The following DPF3 variants were observed in gnomAD, a reference collection of about 807,000 sequenced individuals.
The protein encoded by DPF3 is zinc finger protein DPF3.
Under a neutral mutation model 56.8 loss-of-function variants are expected in DPF3, and 18 were observed. That is an observed-to-expected ratio of 0.32 (90% CI 0.22 to 0.47). The LOEUF (loss-of-function observed/expected upper bound fraction) is 0.47. DPF3 is among the 20% of genes least tolerant of loss of function. The pLI is 1.00. For missense variants in DPF3, 403 were observed against 488.8 expected (o/e 0.82, Z 1.65); for synonymous variants, 188 against 180.2 (o/e 1.04, Z -0.35).
rs1020227259 is a variant in DPF3, at chr14:72,616,090, C to T, written c.*3207G>A. Among the ~76,000 whole-genome samples the T allele has an allele frequency of 1.3e-5, 2 of 152,140 alleles. No homozygotes were observed. The highest frequency in any genetic ancestry group is 4.8e-5 in the African/African-American group (2 of 41,420). ...GTGGGGACCATCATCATGCCAGACCCGGGCCAGGATCTTTACCAATGTCAC... is the reference window on the plus strand; with the variant it reads ...GTGGGGACCATCATCATGCCAGACCTGGGCCAGGATCTTTACCAATGTCAC... On this transcript the variant is annotated 3_prime_UTR_variant, in exon 11 of 11. Transcript: ENST00000556509.
chr14:72,788,334 T>G (rs930749153), intron 1 of DPF3, among the ~76,000 whole-genome samples: 1 of 151,856 alleles, frequency 6.6e-6, no homozygotes, highest in Non-Finnish European at 1.5e-5. Flanking sequence ...GAAGAACTCA[T>G]GCAAGCAGAG....
chr14:72,662,506 T>C (rs146279795), intron 8 of DPF3: 1 of 985,194 alleles, frequency 1.0e-6, no homozygotes, highest in African/African-American at 1.7e-5. Context: ...ATTTCTACTG[T>C]AGAGTAATTC....
chr14:72,812,644 C>T (rs1883103810), intron 1 of DPF3, among the ~76,000 whole-genome samples: 1 of 152,088 alleles, frequency 6.6e-6, no homozygotes, highest in Non-Finnish European at 1.5e-5. Flanking sequence ...GTGGGCAGGG[C>T]TCAGCAGGGC....
At chr14:72,718,498 T>TC (rs1005233661) in intron 5 of DPF3, among the ~76,000 whole-genome samples, 2 of 152,174 alleles carry the variant, frequency 1.3e-5, no homozygotes, top group African/African-American at 2.4e-5. Context: ...AGTGGAGTCT[T>TC]CCAGAGGCGA....
intron 1 of DPF3, among the ~76,000 whole-genome samples, chr14:72,822,238 G>A (rs1250686566): frequency 6.6e-6 from 1 of 152,012 alleles, no homozygotes; most frequent in African/African-American, 2.4e-5. Flanking sequence ...AAAATTAGCT[G>A]GGCGTGGTAG....
intron 8 of DPF3, chr14:72,661,848 TTTTTGC>T (rs1886225789): frequency 1.0e-6 from 1 of 961,300 alleles, no homozygotes; most frequent in Non-Finnish European, 1.2e-6. Flanking sequence ...GATGCTTTTA[TTTTTGC>T]TTTTTTTTTT....
chr14:72,870,270 C>A (rs1362451193), intron 1 of DPF3, among the ~76,000 whole-genome samples: 1 of 152,190 alleles, frequency 6.6e-6, no homozygotes, highest in Non-Finnish European at 1.5e-5. Flanking sequence ...ACTTGGAGGA[C>A]AAACTCTCAG....
intron 8 of DPF3, among the ~76,000 whole-genome samples, chr14:72,660,577 C>T (rs1268443301): frequency 1.3e-5 from 2 of 152,252 alleles, no homozygotes; most frequent in East Asian, 1.9e-4. Flanking sequence ...ACACCAACAG[C>T]ACCTTCCAGG....
At chr14:72,882,379 A>G (rs1039060012) in intron 1 of DPF3, among the ~76,000 whole-genome samples, 7 of 152,212 alleles carry the variant, frequency 4.6e-5, no homozygotes, top group African/African-American at 1.7e-4. Flanking sequence ...ATCTAAGTCA[A>G]AAGCCAGCTA....
At chr14:72,633,870 A>G (rs1420094274) in intron 8 of DPF3, among the ~76,000 whole-genome samples, 1 of 152,150 alleles carries the variant, frequency 6.6e-6, no homozygotes, top group Admixed American at 6.5e-5. Flanking sequence ...TTAGTTCTCT[A>G]AGACTCCTGT....
At position 72,891,882 on chromosome 14, in the gene DPF3, T is replaced by C. The variant is rs75471963; in HGVS notation, c.32+2175A>G. Among the ~76,000 whole-genome samples the C allele has an allele frequency of 3.1e-3, 467 of 152,250 alleles. 4 individuals carry two copies. The highest frequency in any genetic ancestry group is 0.011 in the African/African-American group (453 of 41,540). On this transcript the variant is annotated intron_variant, in intron 1 of 10. Coordinates refer to ENST00000556509, the MANE Select transcript of DPF3 (RefSeq NM_001280542.3). The stretch of plus-strand genomic sequence containing the variant: ...GCAACACAATTACAAATACATCACG[T>C]TGCAACTGTTTCTAATTATACAAAG...
At chr14:72,692,596 C>A (rs1887736538) in intron 7 of DPF3, among the ~76,000 whole-genome samples, 1 of 152,148 alleles carries the variant, frequency 6.6e-6, no homozygotes, top group East Asian at 1.9e-4. Context: ...GCAGGAGAGC[C>A]CTGTACCAAA....
At chr14:72,737,690 C>T (rs147564728) in intron 3 of DPF3, among the ~76,000 whole-genome samples, 1 of 152,236 alleles carries the variant, frequency 6.6e-6, no homozygotes, top group African/African-American at 2.4e-5. Flanking sequence ...CAAGAGATAC[C>T]ATCTTTCGGG....
In DPF3 at chr14:72,615,434, C is replaced by T. The variant is rs574021223; in HGVS notation, c.*3863G>A. The stretch of plus-strand genomic sequence containing the variant: ...CCTTAAAACATCAAAACTTTTTAAG[C>T]GGAGGGTTGAAAGGAAGCGGGCTGT... On this transcript the variant is annotated 3_prime_UTR_variant, in exon 11 of 11. Coordinates refer to ENST00000556509, the MANE Select transcript of DPF3 (RefSeq NM_001280542.3). Among the ~76,000 whole-genome samples the T allele has an allele frequency of 1.5e-3, 221 of 152,308 alleles. No individual in the cohort carries two copies. Among genetic ancestry groups the T allele is most frequent in the Non-Finnish European group, 2.8e-3 (190 of 68,022 alleles).
intron 9 of DPF3, among the ~76,000 whole-genome samples, chr14:72,620,453 T>C (rs1884361509): frequency 1.3e-5 from 2 of 152,220 alleles, no homozygotes; most frequent in South Asian, 4.1e-4. Flanking sequence ...TCAGAACCTC[T>C]TCAGGGTTTC....
chr14:72,691,745 A>G (rs117804876), intron 7 of DPF3, among the ~76,000 whole-genome samples: 3,305 of 151,856 alleles, frequency 0.022, 46 homozygotes, highest in Non-Finnish European at 0.034. Context: ...AAAAAGAAGA[A>G]GAGGAAATGT....
At chr14:72,760,642 A>C (rs955916857) in intron 2 of DPF3, among the ~76,000 whole-genome samples, 2 of 152,214 alleles carry the variant, frequency 1.3e-5, no homozygotes, top group Non-Finnish European at 2.9e-5. Flanking sequence ...AGTTAACTAT[A>C]ATTAAAGATG....
intron 1 of DPF3, among the ~76,000 whole-genome samples, chr14:72,872,225 C>A (rs966577319): frequency 6.6e-6 from 1 of 152,268 alleles, no homozygotes; most frequent in African/African-American, 2.4e-5. Flanking sequence ...TGGGCACCCA[C>A]GAAACTTCTT....
intron 9 of DPF3, among the ~76,000 whole-genome samples, chr14:72,621,336 G>GCC (rs1164555637): frequency 1.3e-4 from 19 of 151,974 alleles, no homozygotes; most frequent in African/African-American, 4.6e-4. Context: ...TTGTGATCTG[G>GCC]CCCCACCCCC....
Sources: allele counts gnomAD v4.1 joint callset (sites outside exome capture counted in the v4.1 genomes callset), GRCh38; gene constraint gnomAD v4.1.1; transcripts MANE v1.5; gene names NCBI Gene and HGNC (gene_info 2026-07-23, HGNC 2026-07-21).